Variants in TPO observed in about 807,000 individuals in gnomAD.
TPO encodes the protein thyroid peroxidase, also known as thyroid microsomal antigen.
A neutral mutation model predicts 96.9 loss-of-function variants in TPO; 78 were observed. The observed-to-expected ratio is 0.81, with a 90% CI of 0.67 to 0.97. The LOEUF is 0.97. Ranked by LOEUF, TPO falls within the 50% of genes least tolerant of loss-of-function variation. The pLI is 0.00. For synonymous variants in TPO, 547 were observed against 538.0 expected (o/e 1.02, Z -0.23); for missense variants, 1,252 against 1,274.8 (o/e 0.98, Z 0.27).
intron 7 of TPO, among the ~76,000 whole-genome samples, chr2:1,468,779 C>T (rs1202219097): frequency 1.3e-5 from 2 of 152,176 alleles, no homozygotes; most frequent in Admixed American, 6.5e-5. Context: ...AGGTTTTCCT[C>T]GATTATTCCC....
intron 10 of TPO, among the ~76,000 whole-genome samples, chr2:1,493,186 TTG>T (rs142912352): frequency 1.6e-3 from 144 of 88,734 alleles, no homozygotes; most frequent in Middle Eastern, 7.7e-3. Context: ...ATAAAGATAT[TTG>T]TGTGTGTGTG....
intron 1 of TPO, among the ~76,000 whole-genome samples, chr2:1,375,850 C>G (rs1661715000): frequency 6.6e-6 from 1 of 152,200 alleles, no homozygotes; most frequent in Admixed American, 6.5e-5. Context: ...CACTGCGAAT[C>G]TCTGATTCCT....
intron 7 of TPO, among the ~76,000 whole-genome samples, chr2:1,458,318 A>C (rs1289282436): frequency 6.6e-6 from 1 of 151,898 alleles, no homozygotes; most frequent in Non-Finnish European, 1.5e-5. Flanking sequence ...TATATAGTAT[A>C]TAAGATAATA....
intron 15 of TPO, among the ~76,000 whole-genome samples, chr2:1,534,568 TTCCCC>T (rs1558433364): frequency 0.027 from 395 of 14,804 alleles, no homozygotes; most frequent in Middle Eastern, 0.062. Flanking sequence ...TCTGTGCAAC[TTCCCC>T]AAATCCGCCC....
intron 7 of TPO, among the ~76,000 whole-genome samples, chr2:1,458,320 A>G (rs897440747): frequency 6.6e-6 from 1 of 151,896 alleles, no homozygotes; most frequent in African/African-American, 2.4e-5. Flanking sequence ...TATAGTATAT[A>G]AGATAATATG....
rs538027081 is a variant in TPO at position 1,518,034 on chromosome 2, G to T, written c.2618+1052G>T. On this transcript the variant is annotated intron_variant, in intron 15 of 16. Transcript: ENST00000329066. ...GCAGTCACCTTCGCCCTCCACCCCGGCCTTCAGAGCTCCTCACTGGCGGAG... is the reference window on the plus strand; with the variant it reads ...GCAGTCACCTTCGCCCTCCACCCCGTCCTTCAGAGCTCCTCACTGGCGGAG... 2.2e-4 allele frequency among the ~76,000 whole-genome samples: 34 copies of T among 151,980 alleles called. No homozygotes were observed. The South Asian group carries it at 6.9e-3, about 31-fold the overall frequency.
At chr2:1,439,161 C>T (rs755978179) in intron 5 of TPO, 5 of 315,292 alleles carry the variant, frequency 1.6e-5, no homozygotes, top group Admixed American at 8.8e-5. Flanking sequence ...CTGTCTTGGG[C>T]GCCTCTGCCC....
chr2:1,485,738 T>G (rs1671098867), intron 9 of TPO, among the ~76,000 whole-genome samples: 1 of 152,172 alleles, frequency 6.6e-6, no homozygotes, highest in Admixed American at 6.5e-5. Context: ...CTTCGCCCAC[T>G]TTTTGATGGG....
chr2:1,455,118 T>C (rs1667666568), intron 6 of TPO, among the ~76,000 whole-genome samples: 1 of 152,184 alleles, frequency 6.6e-6, no homozygotes, highest in East Asian at 1.9e-4. Context: ...GTGCCTTTGT[T>C]TGGAGTCACA....
intron 1 of TPO, among the ~76,000 whole-genome samples, chr2:1,391,067 G>A (rs1376621726): frequency 6.6e-6 from 1 of 152,152 alleles, no homozygotes; most frequent in Non-Finnish European, 1.5e-5. Context: ...GGCTTTTGTT[G>A]CCATTGCTTT....
At chr2:1,540,149 T>C (rs1680564674) in intron 15 of TPO, among the ~76,000 whole-genome samples, 3 of 152,026 alleles carry the variant, frequency 2.0e-5, no homozygotes, top group Admixed American at 2.0e-4. Flanking sequence ...CCCCCTCATC[T>C]CCAGGTCGGG....
rs1664736473 is a variant in TPO, at chr2:1,429,216, T to TCTCTTG, written c.180-4219_180-4218insTTGCTC. Among the ~76,000 whole-genome samples, 3 of 152,062 alleles carry TCTCTTG rather than the reference T, an allele frequency of 2.0e-5. No individual in the cohort carries two copies. The South Asian group carries it at 6.2e-4, about 32-fold the overall frequency. On this transcript the variant is annotated intron_variant, in intron 3 of 16. Coordinates refer to ENST00000329066, the MANE Select transcript of TPO (RefSeq NM_001206744.2). ...GTCTGTGGCATCTCCCCCACTCTAC[T>TCTCTTG]CTCCTGCTCCTGCTCTTACTCCGGG...
rs144338834 is a variant in TPO at position 1,493,710 on chromosome 2, G to A, written c.1769-92G>A. ...GTGGGACAGGACTCTGCCCTGCTGCGCTTCCAGTCTCGGGGACCATGGCAT... is the reference window on the plus strand; with the variant it reads ...GTGGGACAGGACTCTGCCCTGCTGCACTTCCAGTCTCGGGGACCATGGCAT... On this transcript the variant is annotated intron_variant, in intron 10 of 16. Transcript: ENST00000329066. 1.8e-4 allele frequency: 271 copies of A among 1,465,578 alleles called. 1 individual carries two copies. The East Asian group carries it at 5.8e-3, about 32-fold the overall frequency. The allele number at this position is 1,465,578 out of a possible 1,614,324, so 90.8% of individuals were successfully genotyped here.
chr2:1,416,036 G>A (rs940933654), intron 2 of TPO, among the ~76,000 whole-genome samples: 7 of 152,136 alleles, frequency 4.6e-5, no homozygotes, highest in Admixed American at 2.6e-4. Flanking sequence ...CCCCAAGGAT[G>A]GGCTACTCAC....
upstream of TPO, among the ~76,000 whole-genome samples, chr2:1,410,952 C>T (rs894007796): frequency 4.6e-5 from 7 of 152,208 alleles, no homozygotes; most frequent in South Asian, 1.4e-3. Context: ...CTTCCCAATG[C>T]TCCTTTCTGA....
intron 7 of TPO, among the ~76,000 whole-genome samples, chr2:1,460,211 C>T (rs1250911911): frequency 1.3e-5 from 2 of 152,162 alleles, no homozygotes; most frequent in East Asian, 1.9e-4. Flanking sequence ...GCTGGGATTA[C>T]AGGTATGAGC....
chr2:1,427,264 T>TGGGGA (rs1664509749), intron 3 of TPO, among the ~76,000 whole-genome samples: 1 of 152,212 alleles, frequency 6.6e-6, no homozygotes, highest in Non-Finnish European at 1.5e-5. Context: ...GCCCAGGCTC[T>TGGGGA]GGGGAAGAGC....
intron 7 of TPO, among the ~76,000 whole-genome samples, chr2:1,468,149 A>G (rs1329437062): frequency 6.6e-6 from 1 of 151,782 alleles, no homozygotes; most frequent in Non-Finnish European, 1.5e-5. Flanking sequence ...GCAATTCTGT[A>G]TCTTTTAGGT....
At chr2:1,377,398 A>G (rs1009173793) in intron 1 of TPO, among the ~76,000 whole-genome samples, 3 of 152,200 alleles carry the variant, frequency 2.0e-5, no homozygotes, top group African/African-American at 7.2e-5. Flanking sequence ...GGCATTTTCA[A>G]AAGTTAGCCT....
Sources: gnomAD v4.1 joint callset for allele counts (sites outside exome capture counted in the v4.1 genomes callset) on GRCh38, gnomAD v4.1.1 for gene constraint, MANE v1.5 for transcripts, NCBI Gene and HGNC (gene_info 2026-07-23, HGNC 2026-07-21) for gene names.